Variants in DLEU7 observed in about 807,000 individuals in gnomAD.
DLEU7 encodes deleted in lymphocytic leukemia 7.
DLEU7 carries 17 observed loss-of-function variants against 16.0 expected under a neutral mutation model. The observed-to-expected ratio is 1.06, with a 90% CI of 0.73 to 1.59. The LOEUF (loss-of-function observed/expected upper bound fraction) is 1.59. Ranked by LOEUF, DLEU7 falls within the 40% of genes most tolerant of loss-of-function variation. DLEU7 has a pLI of 0.00. For synonymous variants in DLEU7, 113 were observed against 139.8 expected (o/e 0.81, Z 1.35); for missense variants, 308 against 314.9 (o/e 0.98, Z 0.17).
At chr13:50,730,597 A>G (rs1001218257) in intron 1 of DLEU7, among the ~76,000 whole-genome samples, 2 of 152,142 alleles carry the variant, frequency 1.3e-5, no homozygotes, top group African/African-American at 4.8e-5. Context: ...TGAACATAGA[A>G]GTAAAAATAC....
chr13:50,757,710 G>T (rs1593544959), intron 1 of DLEU7, among the ~76,000 whole-genome samples: 1 of 152,284 alleles, frequency 6.6e-6, no homozygotes, highest in East Asian at 1.9e-4. Context: ...ATATGGAAAT[G>T]TTTCTCTTTC....
intron 1 of DLEU7, among the ~76,000 whole-genome samples, chr13:50,773,441 A>G (rs553379480): frequency 6.6e-6 from 1 of 152,316 alleles, no homozygotes; most frequent in South Asian, 2.1e-4. Flanking sequence ...AGTGACCTAC[A>G]GATGGAGTTT....
At chr13:50,714,620 A>T (rs1032506505) in intron 1 of DLEU7, among the ~76,000 whole-genome samples, 1 of 152,182 alleles carries the variant, frequency 6.6e-6, no homozygotes, top group Non-Finnish European at 1.5e-5. Flanking sequence ...AATCTTAGCT[A>T]CGCAAGGGGA....
chr13:50,843,866 G>A (rs910087214), upstream of DLEU7: 9 of 548,026 alleles, frequency 1.6e-5, no homozygotes, highest in African/African-American at 1.6e-4. The surrounding 1 kb of genome is among the most constrained non-coding windows in gnomAD (Gnocchi z 5.7). Context: ...CTGACCCAAA[G>A]CTGCCTGAAG....
chr13:50,729,234 A>G (rs1873849432), intron 1 of DLEU7, among the ~76,000 whole-genome samples: 1 of 152,072 alleles, frequency 6.6e-6, no homozygotes, highest in Non-Finnish European at 1.5e-5. Context: ...CTTTATGTCT[A>G]TGTGTACTCA....
intron 1 of DLEU7, among the ~76,000 whole-genome samples, chr13:50,767,003 C>T (rs1875133444): frequency 6.6e-6 from 1 of 152,148 alleles, no homozygotes. Context: ...TTTCCTTTGC[C>T]CACTACTTAG....
At chr13:50,795,788 A>AT (rs1275094550) in intron 1 of DLEU7, among the ~76,000 whole-genome samples, 1 of 152,182 alleles carries the variant, frequency 6.6e-6, no homozygotes, top group African/African-American at 2.4e-5. Context: ...CAGAATTGAG[A>AT]TTAGGTACAT....
intron 1 of DLEU7, among the ~76,000 whole-genome samples, chr13:50,803,128 A>G (rs1317983712): frequency 1.3e-5 from 2 of 152,186 alleles, no homozygotes; most frequent in African/African-American, 2.4e-5. Context: ...ACATTCCTCA[A>G]ATTGGAATTG....
intron 1 of DLEU7, among the ~76,000 whole-genome samples, chr13:50,767,938 G>A (rs944883970): frequency 6.6e-6 from 1 of 152,132 alleles, no homozygotes; most frequent in Non-Finnish European, 1.5e-5. Flanking sequence ...CAGTCCCACG[G>A]GACAAACACT....
At chr13:50,836,565 T>C (rs988729225) in intron 1 of DLEU7, among the ~76,000 whole-genome samples, 27 of 151,872 alleles carry the variant, frequency 1.8e-4, no homozygotes, top group Non-Finnish European at 1.3e-4. Context: ...TCCCAGCTAC[T>C]CGGGAGGCTG....
At chr13:50,784,644 G>T (rs1875749632) in intron 1 of DLEU7, among the ~76,000 whole-genome samples, 1 of 152,156 alleles carries the variant, frequency 6.6e-6, no homozygotes, top group Admixed American at 6.5e-5. Flanking sequence ...AGATTGCATG[G>T]CCGCTGCATT....
chr13:50,831,811 A>G (rs1169579118), intron 1 of DLEU7, among the ~76,000 whole-genome samples: 1 of 152,224 alleles, frequency 6.6e-6, no homozygotes, highest in Non-Finnish European at 1.5e-5. Flanking sequence ...CAGAGTTAAA[A>G]TTAACTTCTG....
intron 1 of DLEU7, among the ~76,000 whole-genome samples, chr13:50,729,512 T>C (rs1873860843): frequency 6.6e-6 from 1 of 151,936 alleles, no homozygotes; most frequent in Non-Finnish European, 1.5e-5. Flanking sequence ...TGTGTCTTTA[T>C]GGTAGAAATA....
intron 1 of DLEU7, among the ~76,000 whole-genome samples, chr13:50,765,903 T>C (rs891444190): frequency 9.9e-5 from 15 of 152,104 alleles, no homozygotes; most frequent in Non-Finnish European, 5.9e-5. Context: ...TCAAAAGGGG[T>C]CAAATGCTTT....
intron 1 of DLEU7, among the ~76,000 whole-genome samples, chr13:50,765,828 A>G (rs1474192165): frequency 6.6e-6 from 1 of 152,166 alleles, no homozygotes; most frequent in African/African-American, 2.4e-5. Context: ...ACAGGGAAGA[A>G]CCAAGGTTGA....
chr13:50,725,281 T>C (rs1873736324), intron 1 of DLEU7, among the ~76,000 whole-genome samples: 1 of 152,188 alleles, frequency 6.6e-6, no homozygotes, highest in Non-Finnish European at 1.5e-5. Context: ...AATGGGCTCA[T>C]TGACAAAATT....
At chr13:50,722,651 T>C (rs940313570) in intron 1 of DLEU7, among the ~76,000 whole-genome samples, 2 of 152,244 alleles carry the variant, frequency 1.3e-5, no homozygotes, top group Non-Finnish European at 2.9e-5. Flanking sequence ...AATGCTTGGC[T>C]ACCTTCACAG....
chr13:50,817,848 C>A (rs1274779652), intron 1 of DLEU7, among the ~76,000 whole-genome samples: 1 of 152,030 alleles, frequency 6.6e-6, no homozygotes, highest in Non-Finnish European at 1.5e-5. Context: ...ATAAGCTGAT[C>A]TGGGAGCTCT....
intron 1 of DLEU7, chr13:50,813,116 T>A (rs1876618205): frequency 6.6e-6 from 1 of 152,142 alleles, no homozygotes; most frequent in Non-Finnish European, 1.5e-5. Context: ...CTAAGATTTT[T>A]CTGACTAATG....
Sources: allele counts gnomAD v4.1 joint callset (sites outside exome capture counted in the v4.1 genomes callset), GRCh38; gene constraint gnomAD v4.1.1; non-coding constraint Gnocchi (gnomAD v3.1); transcripts MANE v1.5; gene names NCBI Gene and HGNC (gene_info 2026-07-23, HGNC 2026-07-21).